Variants in DACH2 observed in about 807,000 individuals in gnomAD.
DACH2 encodes the protein dachshund homolog 2.
In DACH2, 17 loss-of-function variants were observed where a neutral mutation model predicts 35.8. The ratio of observed to expected loss-of-function variants is 0.48; its 90% CI spans 0.33 to 0.71. The LOEUF is 0.71. DACH2 is among the 30% of genes least tolerant of loss of function. The pLI is 0.02. For synonymous variants in DACH2, 195 were observed against 177.3 expected (o/e 1.10, Z -0.79); for missense variants, 469 against 472.7 (o/e 0.99, Z 0.07).
At chrX:86,675,075 C>A (rs2040811267) in intron 4 of DACH2, among the ~76,000 whole-genome samples, 1 of 111,608 alleles carries the variant, frequency 9.0e-6, no homozygotes, top group Admixed American at 9.6e-5. Context: ...CTTTTCCCAT[C>A]CCTCTGCCTC....
chrX:86,404,429 C>A (rs1435582013), intron 2 of DACH2, among the ~76,000 whole-genome samples: 7 of 112,041 alleles, frequency 6.2e-5, no homozygotes, highest in Admixed American at 4.7e-4. Context: ...AAAGAGCCTA[C>A]AGGCCCCATG....
chrX:86,220,612 A>G (rs758036805), intron 1 of DACH2, among the ~76,000 whole-genome samples: 1 of 111,896 alleles, frequency 8.9e-6, no homozygotes, highest in African/African-American at 3.2e-5. Context: ...TTCTTTATCC[A>G]TTTGTACATT....
chrX:86,761,300 T>C (rs1569479209), intron 7 of DACH2, among the ~76,000 whole-genome samples: 1 of 111,445 alleles, frequency 9.0e-6, no homozygotes, highest in Non-Finnish European at 1.9e-5. Context: ...CGGTGTTTGG[T>C]TTTCTGTTCC....
chrX:86,318,675 C>A lies in DACH2; in HGVS notation c.489-58149C>A, dbSNP rs181195330. ...TGCATTAGACATCATTTTGGCAATTCCATGTACCTAAACATGTTAAATAAT... is the reference window on the plus strand; with the variant it reads ...TGCATTAGACATCATTTTGGCAATTACATGTACCTAAACATGTTAAATAAT... On this transcript the variant is annotated intron_variant, in intron 1 of 11. Transcript: ENST00000373125. 5.4e-3 allele frequency among the ~76,000 whole-genome samples: 595 copies of A among 111,039 alleles called. 4 individuals are homozygous for A. The highest frequency in any genetic ancestry group is 0.019 in the African/African-American group (566 of 30,527).
At chrX:86,827,930 C>T in intron 11 of DACH2, 2 of 595,720 alleles carry the variant, frequency 3.4e-6, no homozygotes, top group South Asian at 3.5e-5. Flanking sequence ...TAGAACCTTA[C>T]ACATACAGGA....
At chrX:86,293,984 G>C (rs2034376812) in intron 1 of DACH2, among the ~76,000 whole-genome samples, 1 of 111,595 alleles carries the variant, frequency 9.0e-6, no homozygotes, top group African/African-American at 3.3e-5. Context: ...TTGCTGGATT[G>C]GGGAAGATCT....
intron 2 of DACH2, among the ~76,000 whole-genome samples, chrX:86,444,768 T>C (rs2037230485): frequency 9.0e-6 from 1 of 111,422 alleles, no homozygotes; most frequent in African/African-American, 3.3e-5. Context: ...TTTTATTTTT[T>C]ATTTATTTCT....
chrX:86,412,994 C>G (rs1050476962), intron 2 of DACH2, among the ~76,000 whole-genome samples: 1 of 111,639 alleles, frequency 9.0e-6, no homozygotes, highest in African/African-American at 3.3e-5. Context: ...TGTGCCTTTT[C>G]TTGGTTGTAG....
At chrX:86,463,939 T>C (rs1186602144) in intron 2 of DACH2, among the ~76,000 whole-genome samples, 6 of 111,751 alleles carry the variant, frequency 5.4e-5, no homozygotes, top group Non-Finnish European at 1.1e-4. Flanking sequence ...TCACTGGCTG[T>C]TAGAAAAATG....
chrX:86,546,755 C>A (rs1159600101), intron 3 of DACH2, among the ~76,000 whole-genome samples: 14 of 109,060 alleles, frequency 1.3e-4, no homozygotes, highest in African/African-American at 4.7e-4. Flanking sequence ...AACTTGTGAT[C>A]TGCCAGCCTC....
In DACH2 at chrX:86,572,325, A is replaced by G. The variant is rs765237934; in HGVS notation, c.640+57934A>G. Among the ~76,000 whole-genome samples, 216 of 111,726 alleles carry G rather than the reference A, an allele frequency of 1.9e-3. 1 individual carries two copies. The highest frequency in any genetic ancestry group is 6.5e-3 in the African/African-American group (201 of 30,827). On this transcript the variant is annotated intron_variant, in intron 3 of 11. Transcript: ENST00000373125. Reference sequence around the variant, plus strand: ...ATTAAAGGAAATATTGAAATGCAAAAAAAAATTCAGTGTTCAAATGTTTAT... The same window carrying G: ...ATTAAAGGAAATATTGAAATGCAAAGAAAAATTCAGTGTTCAAATGTTTAT...
intron 1 of DACH2, among the ~76,000 whole-genome samples, chrX:86,207,228 C>T (rs1251379625): frequency 9.0e-6 from 1 of 111,529 alleles, no homozygotes; most frequent in East Asian, 2.8e-4. Context: ...TCAGGCCACT[C>T]TTCCGTCTCT....
At chrX:86,594,128 G>A (rs2039683333) in intron 3 of DACH2, among the ~76,000 whole-genome samples, 1 of 110,974 alleles carries the variant, frequency 9.0e-6, no homozygotes, top group Non-Finnish European at 1.9e-5. Context: ...CAAATTTGTG[G>A]GCCCACAGTT....
intron 4 of DACH2, among the ~76,000 whole-genome samples, chrX:86,686,801 C>A (rs1477402462): frequency 2.7e-5 from 3 of 111,937 alleles, no homozygotes; most frequent in Admixed American, 1.9e-4. Flanking sequence ...TATGGAAGAG[C>A]ACTGTGCCTT....
chrX:86,373,289 A>G lies in DACH2; in HGVS notation c.489-3535A>G, dbSNP rs1035087065. ...GGCTGAACTAATTTACATTCCTACC[A>G]AGAGTGTATAAGCACATTGAAATTC... On this transcript the variant is annotated intron_variant, in intron 1 of 11. Transcript: ENST00000373125. Among the ~76,000 whole-genome samples, 8 of 111,458 alleles carry G rather than the reference A, an allele frequency of 7.2e-5. No homozygotes were observed. The East Asian group carries it at 1.4e-3, about 20-fold the overall frequency.
intron 2 of DACH2, among the ~76,000 whole-genome samples, chrX:86,471,791 T>G (rs2037764956): frequency 9.0e-6 from 1 of 111,351 alleles, no homozygotes; most frequent in Non-Finnish European, 1.9e-5. Flanking sequence ...ATAGGTGAAA[T>G]AAGTTCAAGA....
intron 1 of DACH2, among the ~76,000 whole-genome samples, chrX:86,337,214 G>A (rs2035328028): frequency 9.0e-6 from 1 of 111,030 alleles, no homozygotes. Flanking sequence ...TCAAATTCAG[G>A]AAATACAGAG....
At chrX:86,427,281 A>AT (rs2036910002) in intron 2 of DACH2, among the ~76,000 whole-genome samples, 2 of 111,188 alleles carry the variant, frequency 1.8e-5, no homozygotes, top group Admixed American at 1.9e-4. Flanking sequence ...GGGTTTTTAG[A>AT]TTTTTTCCAG....
chrX:86,391,623 C>T (rs2036204294), intron 2 of DACH2, among the ~76,000 whole-genome samples: 2 of 111,096 alleles, frequency 1.8e-5, no homozygotes, highest in Non-Finnish European at 3.8e-5. Context: ...GGATAAAAAT[C>T]CATAGTACTC....
Sources: allele counts gnomAD v4.1 joint callset (sites outside exome capture counted in the v4.1 genomes callset), GRCh38; gene constraint gnomAD v4.1.1; transcripts MANE v1.5; gene names NCBI Gene and HGNC (gene_info 2026-07-23, HGNC 2026-07-21).